The following MAPK4 variants were observed in gnomAD, a reference collection of about 807,000 sequenced individuals.
The protein encoded by MAPK4 is mitogen-activated protein kinase 4, also known as Erk3-related.
A neutral mutation model predicts 47.7 loss-of-function variants in MAPK4; 22 were observed. That is an observed-to-expected ratio of 0.46 (90% CI 0.33 to 0.66). The LOEUF (loss-of-function observed/expected upper bound fraction) is 0.66, where lower values mean the gene tolerates loss of function less well. Ranked by LOEUF, MAPK4 falls within the 30% of genes least tolerant of loss-of-function variation. The pLI is 0.02. For synonymous variants in MAPK4, 390 were observed against 365.7 expected, an observed-to-expected ratio of 1.07 and a Z score of -0.76; for missense variants, 736 against 831.7, an observed-to-expected ratio of 0.88 and a Z score of 1.42.
At chr18:50,695,120 C>T (rs886381133) in intron 2 of MAPK4, among the ~76,000 whole-genome samples, 3 of 151,878 alleles carry the variant, frequency 2.0e-5, no homozygotes, top group Non-Finnish European at 4.4e-5. Context: ...CCGAAGTGGG[C>T]AGATCACTTG....
intron 1 of MAPK4, among the ~76,000 whole-genome samples, chr18:50,653,434 G>C (rs2043073861): frequency 6.6e-6 from 1 of 152,190 alleles, no homozygotes; most frequent in Non-Finnish European, 1.5e-5. Context: ...AGGAAGCAAG[G>C]TAAATCCTTC....
rs555988937 is a variant in MAPK4 at position 50,692,654 on chromosome 18, G to A, written c.547-22425G>A. Among the ~76,000 whole-genome samples, 7 of 152,286 alleles carry A rather than the reference G, an allele frequency of 4.6e-5. No homozygotes were observed. In the East Asian group the frequency reaches 7.7e-4, roughly 17 times the overall value. ...AGAGGGCCCTCAATAAATATGAGCT[G>A]TTTGCAGCTCTTATTACTTGGTGGG... On this transcript the variant is annotated intron_variant, in intron 2 of 5. Transcript: ENST00000400384.
At position 50,725,963 on chromosome 18, in the gene MAPK4, C is replaced by T; in HGVS notation, c.855C>T (p.Ala285=). 1 of 1,614,008 alleles carries T rather than the reference C, an allele frequency of 6.2e-7. No homozygotes were observed. Among genetic ancestry groups the T allele is most frequent in the East Asian group, 2.2e-5 (1 of 44,878 alleles). Residue 285 remains alanine (A), a splice_region_variant and synonymous_variant, in exon 5 of 6, where the codon GCC becomes GCT. Coordinates refer to ENST00000400384, the MANE Select transcript of MAPK4 (RefSeq NM_002747.4). Reference sequence around the variant, plus strand: ...CATGTCCGGCTTTGCTCCCTGCAGCCATCGACTTTCTGGAGAAGATCCTGA... The same window carrying T: ...CATGTCCGGCTTTGCTCCCTGCAGCTATCGACTTTCTGGAGAAGATCCTGA... The part of the protein sequence containing the change: ...RKLLPEVNSE[A]IDFLEKILTF...
chr18:50,729,688 C>G lies in MAPK4; in HGVS notation c.1598C>G (p.Ala533Gly). 2 of 1,539,790 alleles carry G rather than the reference C, an allele frequency of 1.3e-6. No homozygotes were observed. The highest frequency in any genetic ancestry group is 2.4e-5 in the South Asian group (2 of 83,052). The change falls in exon 6 of 6, where the codon GCC (alanine) becomes GGC (glycine). Residue 533 changes from alanine (A) to glycine (G), a missense_variant. Physicochemically the swap from Ala to Gly is moderately conservative, Grantham distance 60. Around this residue, in one of 3 missense-constraint regions of MAPK4, gnomAD observed 377 missense variants for 378.6 expected, o/e 1.00. Coordinates refer to ENST00000400384, the MANE Select transcript of MAPK4 (RefSeq NM_002747.4). The part of the protein sequence containing the change: ...PGRPAPVDGG[A>G]SPQFDLDVFI... ...CGCCCGGCCCCGGTGGACGGCGGCG[C>G]CAGCCCCCAGTTCGACCTGGACGTG...
At chr18:50,561,962 G>A (rs1446554845) in intron 1 of MAPK4, among the ~76,000 whole-genome samples, 3 of 152,186 alleles carry the variant, frequency 2.0e-5, no homozygotes, top group Non-Finnish European at 4.4e-5. Context: ...CAGACAAAAA[G>A]ACACCTCCCT....
At chr18:50,717,752 G>A (rs948938831) in intron 3 of MAPK4, among the ~76,000 whole-genome samples, 2 of 152,202 alleles carry the variant, frequency 1.3e-5, no homozygotes, top group East Asian at 1.9e-4. Context: ...GACAATCTCA[G>A]TTGCTGGCCT....
intron 1 of MAPK4, among the ~76,000 whole-genome samples, chr18:50,601,949 T>C (rs963612131): frequency 2.0e-5 from 3 of 152,116 alleles, no homozygotes; most frequent in African/African-American, 7.2e-5. Context: ...CTCCATCCTA[T>C]GGAAAGGACC....
intron 2 of MAPK4, among the ~76,000 whole-genome samples, chr18:50,692,357 C>A (rs1444231371): frequency 6.6e-6 from 1 of 152,182 alleles, no homozygotes; most frequent in Non-Finnish European, 1.5e-5. Context: ...CAGGCCACTG[C>A]ATTCTTTGTA....
chr18:50,722,232 C>T, intron 4 of MAPK4, 133 bp downstream of exon 4: 1 of 1,012,880 alleles, frequency 9.9e-7, no homozygotes, highest in Non-Finnish European at 1.4e-6. Context: ...CAAGGCTCCC[C>T]TGCCAGTGGG....
intron 1 of MAPK4, among the ~76,000 whole-genome samples, chr18:50,619,773 AAC>A (rs1476815833): frequency 1.3e-5 from 2 of 152,352 alleles, no homozygotes; most frequent in Admixed American, 6.5e-5. Flanking sequence ...CATAATGCTA[AAC>A]CTCCTTTTAA....
At chr18:50,657,088 C>T (rs2043118285) in intron 1 of MAPK4, among the ~76,000 whole-genome samples, 1 of 152,172 alleles carries the variant, frequency 6.6e-6, no homozygotes, top group African/African-American at 2.4e-5. Context: ...GCACCAACAC[C>T]ACTTCCTCTA....
chr18:50,700,293 A>T (rs1039316505), intron 2 of MAPK4, among the ~76,000 whole-genome samples: 1 of 152,218 alleles, frequency 6.6e-6, no homozygotes, highest in Non-Finnish European at 1.5e-5. Context: ...TTCCTCCAGG[A>T]ACTGAGAATA....
intron 1 of MAPK4, among the ~76,000 whole-genome samples, chr18:50,607,628 A>C (rs79758595): frequency 6.6e-6 from 1 of 152,250 alleles, no homozygotes. Flanking sequence ...TGACGCACAC[A>C]GTAAGAAGGC....
intron 1 of MAPK4, among the ~76,000 whole-genome samples, chr18:50,647,978 A>C (rs1310649846): frequency 7.2e-5 from 11 of 152,096 alleles, no homozygotes; most frequent in Non-Finnish European, 1.0e-4. Flanking sequence ...TTTATTCATC[A>C]ACTTTTTATT....
intron 1 of MAPK4, among the ~76,000 whole-genome samples, chr18:50,573,757 A>C (rs781064838): frequency 2.0e-5 from 3 of 152,226 alleles, no homozygotes; most frequent in Non-Finnish European, 4.4e-5. Flanking sequence ...TAATCATCAG[A>C]CCAAAATCTA....
chr18:50,575,880 A>G (rs1206061085), intron 1 of MAPK4, among the ~76,000 whole-genome samples: 1 of 152,166 alleles, frequency 6.6e-6, no homozygotes, highest in Admixed American at 6.5e-5. Flanking sequence ...GTGGCAAACA[A>G]GCATATGAAA....
At chr18:50,699,222 C>T (rs909822372) in intron 2 of MAPK4, among the ~76,000 whole-genome samples, 14 of 152,090 alleles carry the variant, frequency 9.2e-5, no homozygotes, top group Non-Finnish European at 1.8e-4. Context: ...AATGATATAA[C>T]CAGGAATAAA....
chr18:50,690,093 A>G (rs757155931), intron 2 of MAPK4, among the ~76,000 whole-genome samples: 1 of 152,180 alleles, frequency 6.6e-6, no homozygotes, highest in Non-Finnish European at 1.5e-5. Flanking sequence ...CACCTGAGCT[A>G]GAGCCCCAGA....
At chr18:50,575,792 C>CAAAAAAAAAAAAAAAAAAAAAAAAAAAA (rs540138636) in intron 1 of MAPK4, among the ~76,000 whole-genome samples, 1 of 70,128 alleles carries the variant, frequency 1.4e-5, no homozygotes, top group Non-Finnish European at 2.7e-5. Flanking sequence ...AATCAACAAG[C>CAAAAAAAAAAAAAAAAAAAAAAAAAAAA]AAAAAAAAAA....
Sources: allele counts gnomAD v4.1 joint callset (sites outside exome capture counted in the v4.1 genomes callset), GRCh38; gene constraint gnomAD v4.1.1; regional missense constraint gnomAD v4.1.1; transcripts MANE v1.5; gene names NCBI Gene and HGNC (gene_info 2026-07-23, HGNC 2026-07-21).